The following RYR2 variants were observed in gnomAD, a reference collection of about 807,000 sequenced individuals.
RYR2 encodes ryanodine receptor 2, also known as cardiac muscle ryanodine receptor-calcium release channel.
In RYR2, 227 loss-of-function variants were observed where a neutral mutation model predicts 601.1. The ratio of observed to expected loss-of-function variants is 0.38; its 90% CI spans 0.34 to 0.42. The LOEUF is 0.42. Ranked by LOEUF, RYR2 falls within the 10% of genes least tolerant of loss-of-function variation. The probability of loss-of-function intolerance (pLI) is 1.00; values close to 1 mark genes in which losing one functional copy is unlikely to be tolerated. For synonymous variants in RYR2, 2,223 were observed against 2,175.1 expected (o/e 1.02, Z -0.61); for missense variants, 4,646 against 6,156.5 (o/e 0.75, Z 8.21).
intron 80 of RYR2, 33 bp downstream of exon 80, chr1:237,742,382 T>A: frequency 7.0e-7 from 1 of 1,435,994 alleles, no homozygotes; most frequent in Non-Finnish European, 9.6e-7. Flanking sequence ...TGCCTTTCTT[T>A]CTATCTTGAA....
At chr1:237,094,511 A>G (rs1667297473) in intron 1 of RYR2, among the ~76,000 whole-genome samples, 2 of 152,216 alleles carry the variant, frequency 1.3e-5, no homozygotes, top group African/African-American at 4.8e-5. Context: ...GACAGAAGTG[A>G]CTTAATTTTT....
chr1:237,362,000 T>C (rs185445198), intron 4 of RYR2, among the ~76,000 whole-genome samples: 1 of 152,354 alleles, frequency 6.6e-6, no homozygotes, highest in East Asian at 1.9e-4. Context: ...TGCTTCTTTT[T>C]GTCATCCATT....
chr1:237,586,911 G>T (rs934981248), intron 29 of RYR2, among the ~76,000 whole-genome samples: 50 of 151,736 alleles, frequency 3.3e-4, no homozygotes, highest in African/African-American at 1.2e-3. Flanking sequence ...GTAAAGAAGG[G>T]TTTCACCATA....
chr1:237,625,140 G>A (rs1679514262), intron 39 of RYR2, among the ~76,000 whole-genome samples: 1 of 151,642 alleles, frequency 6.6e-6, no homozygotes, highest in Admixed American at 6.6e-5. Flanking sequence ...CAAATACAGG[G>A]ATACTTTAAA....
chr1:237,794,110 T>C, intron 95 of RYR2, 113 bp downstream of exon 95: 1 of 866,842 alleles, frequency 1.2e-6, no homozygotes, highest in Non-Finnish European at 1.8e-6. Flanking sequence ...ATAATAGTTA[T>C]ATATTCAGCC....
In RYR2 at chr1:237,783,805, T is replaced by C; in HGVS notation, c.12093T>C (p.Thr4031=). The change falls in exon 90 of 105, where the codon ACT becomes ACC. Residue 4031 remains threonine, a synonymous_variant. Transcript: ENST00000366574. ...LKLKDLTSSD[T]FKEYDPDGKG... ...TAAAGGATTTGACGTCGTCTGATAC[T>C]TTTAAAGAATATGACCCCGATGGCA... 4 of 1,613,774 alleles carry C rather than the reference T, an allele frequency of 2.5e-6. No homozygotes were observed. Among genetic ancestry groups the C allele is most frequent in the Non-Finnish European group, 2.5e-6 (3 of 1,179,810 alleles).
chr1:237,160,920 A>G (rs549022314), intron 1 of RYR2, among the ~76,000 whole-genome samples: 1 of 152,306 alleles, frequency 6.6e-6, no homozygotes, highest in South Asian at 2.1e-4. Context: ...ACAAAGGCTT[A>G]TTCACATTCC....
intron 1 of RYR2, among the ~76,000 whole-genome samples, chr1:237,044,010 C>T (rs888563355): frequency 1.3e-5 from 2 of 152,168 alleles, no homozygotes; most frequent in Non-Finnish European, 2.9e-5. Flanking sequence ...CATCAGATGA[C>T]AACCTAATAG....
chr1:237,644,313 A>G (rs971385266), intron 48 of RYR2, among the ~76,000 whole-genome samples: 4 of 152,006 alleles, frequency 2.6e-5, no homozygotes, highest in Non-Finnish European at 4.4e-5. Context: ...GCTCACTGCA[A>G]TCTCTGCCTC....
At chr1:237,679,501 G>C (rs985263368) in intron 61 of RYR2, among the ~76,000 whole-genome samples, 2 of 152,118 alleles carry the variant, frequency 1.3e-5, no homozygotes, top group Non-Finnish European at 2.9e-5. Context: ...TGGTAGTGCC[G>C]ATCTTGTTCT....
intron 1 of RYR2, among the ~76,000 whole-genome samples, chr1:237,051,565 C>T (rs1389163071): frequency 6.6e-6 from 1 of 151,996 alleles, no homozygotes; most frequent in Admixed American, 6.6e-5. Flanking sequence ...ACAGCATCAG[C>T]CTGAGGAGTA....
intron 17 of RYR2, among the ~76,000 whole-genome samples, chr1:237,481,833 A>G (rs988236757): frequency 1.4e-5 from 2 of 141,598 alleles, no homozygotes; most frequent in Admixed American, 6.8e-5. Context: ...AAAAAAAAAA[A>G]AACCACCTCC....
In RYR2 at chr1:237,803,906, G is replaced by T. The variant is rs558880429; in HGVS notation, c.14151+1990G>T. The stretch of plus-strand genomic sequence containing the variant: ...TTGGCTCTGGTAACCTCACCCTGGG[G>T]TTTGTCCAGTAGTCTTCTAATTTAA... On this transcript the variant is annotated intron_variant, in intron 98 of 104. Coordinates refer to ENST00000366574, the MANE Select transcript of RYR2 (RefSeq NM_001035.3). Among the ~76,000 whole-genome samples, 4 of 152,008 alleles carry T rather than the reference G, an allele frequency of 2.6e-5. No homozygotes were observed. In the East Asian group the frequency reaches 7.7e-4, roughly 29 times the overall value.
chr1:237,120,160 A>C (rs914095077), intron 1 of RYR2, among the ~76,000 whole-genome samples: 4 of 152,146 alleles, frequency 2.6e-5, no homozygotes, highest in Non-Finnish European at 4.4e-5. Context: ...AAAATGGTTT[A>C]ATAGTCATTT....
intron 17 of RYR2, among the ~76,000 whole-genome samples, chr1:237,475,866 T>G (rs138207495): frequency 9.6e-4 from 147 of 152,350 alleles, no homozygotes; most frequent in African/African-American, 3.3e-3. Flanking sequence ...ATCACATATT[T>G]TCCCTGACTT....
chr1:237,647,273 A>C (rs1682268287), intron 48 of RYR2, among the ~76,000 whole-genome samples: 1 of 152,148 alleles, frequency 6.6e-6, no homozygotes, highest in South Asian at 2.1e-4. Context: ...ACTTCTCTAA[A>C]GGCTAGTTTT....
chr1:237,098,805 CA>C (rs1667758892), intron 1 of RYR2, among the ~76,000 whole-genome samples: 1 of 152,158 alleles, frequency 6.6e-6, no homozygotes, highest in Non-Finnish European at 1.5e-5. Context: ...CACAAGGATA[CA>C]AAGTTTCAGT....
chr1:237,176,264 TAA>T (rs374625021), intron 1 of RYR2, among the ~76,000 whole-genome samples: 108,212 of 143,728 alleles, frequency 0.75, 43,179 homozygotes, highest in Non-Finnish European at 0.88. Context: ...TATATATATA[TAA>T]AAAATGAAAT....
chr1:237,371,112 CTT>C (rs113800105), intron 6 of RYR2, among the ~76,000 whole-genome samples: 1 of 145,760 alleles, frequency 6.9e-6, no homozygotes. Flanking sequence ...GTCCTTAAGG[CTT>C]TTTTTTTTTA....
Sources: gnomAD v4.1 joint callset for allele counts (sites outside exome capture counted in the v4.1 genomes callset) on GRCh38, gnomAD v4.1.1 for gene constraint, MANE v1.5 for transcripts, NCBI Gene and HGNC (gene_info 2026-07-23, HGNC 2026-07-21) for gene names.